Variants in CLDN14 observed in about 807,000 individuals in gnomAD.
CLDN14 encodes the protein claudin-14.
A neutral mutation model predicts 2.1 loss-of-function variants in CLDN14; 2 were observed. The observed-to-expected ratio is 0.96, with a 90% CI of 0.39 to 3.01. The LOEUF (loss-of-function observed/expected upper bound fraction) is 3.01, where lower values mean the gene tolerates loss of function less well. CLDN14 is among the 30% of genes most tolerant of loss of function. CLDN14 has a pLI of 0.09. For missense variants in CLDN14, 298 were observed against 328.0 expected (o/e 0.91, Z 0.71); for synonymous variants, 136 against 154.4 (o/e 0.88, Z 0.88).
rs555097341 is a variant in CLDN14, at chr21:36,507,319, T to G, written c.-82+3044A>C. Among the ~76,000 whole-genome samples, 6 of 152,156 alleles carry G rather than the reference T, an allele frequency of 3.9e-5. No homozygotes were observed. The East Asian group carries it at 1.2e-3, about 29-fold the overall frequency. ...TTAGTGATGAGCCTTGGGGACCCCATAAAACCCAGAGGAACATGTGGCAGA... is the reference window on the plus strand; with the variant it reads ...TTAGTGATGAGCCTTGGGGACCCCAGAAAACCCAGAGGAACATGTGGCAGA... On this transcript the variant is annotated intron_variant, in intron 2 of 2. Coordinates refer to the CLDN14 transcript ENST00000342108.
Position 36,460,900 on chromosome 21 carries a change from G to C in CLDN14, c.*76C>G. The C allele has an allele frequency of 6.5e-7, 1 of 1,536,538 alleles. No homozygotes were observed. Among genetic ancestry groups the C allele is most frequent in the Admixed American group, 1.9e-5 (1 of 51,706 alleles). ...TTGCCCAGAAGTAAACTTTGTGCTGGAACCCCTGCCTCCATTGACAGTCCC... is the reference window on the plus strand; with the variant it reads ...TTGCCCAGAAGTAAACTTTGTGCTGCAACCCCTGCCTCCATTGACAGTCCC... On this transcript the variant is annotated 3_prime_UTR_variant, in exon 2 of 2. Coordinates refer to ENST00000399135, the MANE Select transcript of CLDN14 (RefSeq NM_001146079.2). This position sits in a 1 kb window ranked among gnomAD's most constrained non-coding sequence, Gnocchi z 4.0.
At chr21:36,529,292 C>CT (rs1025359124) in intron 1 of CLDN14, among the ~76,000 whole-genome samples, 14 of 149,258 alleles carry the variant, frequency 9.4e-5, no homozygotes, top group South Asian at 2.1e-4. Flanking sequence ...AAAACCACAT[C>CT]TTTTTTTTTT....
chr21:36,497,319 G>A (rs1201872296), intron 2 of CLDN14, among the ~76,000 whole-genome samples: 8 of 13,316 alleles, frequency 6.0e-4, no homozygotes, highest in South Asian at 4.1e-3. Context: ...GGAAGGAAGG[G>A]AGGGAGGGAG....
At chr21:36,568,140 G>A (rs1399270720) in intron 1 of CLDN14, among the ~76,000 whole-genome samples, 3 of 152,196 alleles carry the variant, frequency 2.0e-5, no homozygotes, top group Non-Finnish European at 2.9e-5. Flanking sequence ...GGGTAAGCCA[G>A]CTTGACCAGG....
intron 2 of CLDN14, among the ~76,000 whole-genome samples, chr21:36,490,763 G>A (rs1381159971): frequency 1.3e-5 from 2 of 152,034 alleles, no homozygotes; most frequent in African/African-American, 4.8e-5. Context: ...TCGAACTCTT[G>A]GCCTTAAGAG....
In CLDN14 at chr21:36,499,312, T is replaced by A. The variant is rs1054058338; in HGVS notation, c.-82+11051A>T. Among the ~76,000 whole-genome samples the A allele has an allele frequency of 1.3e-5, 2 of 152,182 alleles. No homozygotes were observed. Among genetic ancestry groups the A allele is most frequent in the Non-Finnish European group, 2.9e-5 (2 of 68,028 alleles). ...TCGCCCAGGCTGGAGTGCAGTGGTGTGATCTCAGCTCGCTGCAACCTCTGC... is the reference window on the plus strand; with the variant it reads ...TCGCCCAGGCTGGAGTGCAGTGGTGAGATCTCAGCTCGCTGCAACCTCTGC... On this transcript the variant is annotated intron_variant, in intron 2 of 2. Coordinates refer to the CLDN14 transcript ENST00000342108. The surrounding 1 kb of genome is among the most constrained non-coding windows in gnomAD (Gnocchi z 4.7).
At chr21:36,534,546 C>G (rs553349643) in intron 1 of CLDN14, among the ~76,000 whole-genome samples, 2 of 152,304 alleles carry the variant, frequency 1.3e-5, no homozygotes, top group East Asian at 3.9e-4. Flanking sequence ...TATCAACATG[C>G]CTTGTGTGTG....
At chr21:36,473,135 G>A (rs1234377392) in intron 1 of CLDN14, among the ~76,000 whole-genome samples, 1 of 151,640 alleles carries the variant, frequency 6.6e-6, no homozygotes, top group Non-Finnish European at 1.5e-5. Flanking sequence ...TCATTTTATA[G>A]ATGGGCTCTT....
intron 1 of CLDN14, among the ~76,000 whole-genome samples, chr21:36,568,014 T>A (rs1446562764): frequency 6.6e-6 from 1 of 152,156 alleles, no homozygotes; most frequent in Non-Finnish European, 1.5e-5. Context: ...TCAATAATTA[T>A]GGAAGAGCAA....
chr21:36,487,404 A>C (rs2086909651), intron 2 of CLDN14: 2 of 168,354 alleles, frequency 1.2e-5, no homozygotes, highest in Admixed American at 6.3e-5. Context: ...AGCGCTTTCC[A>C]ACACCATCCT....
At chr21:36,473,899 C>T (rs752558554) in intron 1 of CLDN14, among the ~76,000 whole-genome samples, 10 of 152,208 alleles carry the variant, frequency 6.6e-5, no homozygotes, top group African/African-American at 9.7e-5. Flanking sequence ...GAGCAATCTA[C>T]TCTGTCAAGT....
At chr21:36,478,749 A>G (rs1239724916) in intron 1 of CLDN14, among the ~76,000 whole-genome samples, 3 of 152,188 alleles carry the variant, frequency 2.0e-5, no homozygotes, top group Admixed American at 1.3e-4. Context: ...ACCCAGTTAA[A>G]GCCAGTGAGG....
intron 1 of CLDN14, among the ~76,000 whole-genome samples, chr21:36,562,740 C>T (rs1246668176): frequency 2.0e-5 from 3 of 151,850 alleles, no homozygotes; most frequent in Non-Finnish European, 4.4e-5. Flanking sequence ...GGCCTCTTTC[C>T]CGCCTGGGGA....
chr21:36,572,002 C>A (rs999529145), intron 1 of CLDN14, among the ~76,000 whole-genome samples: 1 of 152,148 alleles, frequency 6.6e-6, no homozygotes, highest in East Asian at 1.9e-4. Flanking sequence ...ACTCCCTCCC[C>A]ACTCCGTGAA....
chr21:36,462,946 A>G (rs1021046767), intron 1 of CLDN14, among the ~76,000 whole-genome samples: 2 of 151,782 alleles, frequency 1.3e-5, no homozygotes, highest in African/African-American at 4.8e-5. Context: ...AACAAACAAA[A>G]AAAAACACTA....
chr21:36,498,363 A>G lies in CLDN14; in HGVS notation c.-82+12000T>C, dbSNP rs2087059159. On this transcript the variant is annotated intron_variant, in intron 2 of 2. Transcript: ENST00000342108. This position sits in a 1 kb window ranked among gnomAD's most constrained non-coding sequence, Gnocchi z 4.9. Reference sequence around the variant, plus strand: ...GAAAGAGAAGAAAAAAAGTAAAATAATAATACTAATAATGCCTTTTCTCTG... The same window carrying G: ...GAAAGAGAAGAAAAAAAGTAAAATAGTAATACTAATAATGCCTTTTCTCTG... Among the ~76,000 whole-genome samples the G allele has an allele frequency of 6.6e-6, 1 of 152,178 alleles. No homozygotes were observed. Among genetic ancestry groups the G allele is most frequent in the South Asian group, 2.1e-4 (1 of 4,828 alleles).
chr21:36,464,685 G>A (rs2086623918), intron 1 of CLDN14, among the ~76,000 whole-genome samples: 2 of 152,196 alleles, frequency 1.3e-5, no homozygotes, highest in African/African-American at 2.4e-5. Flanking sequence ...TGAGCACACC[G>A]ATGGCACCAG....
chr21:36,474,922 G>A (rs1451763914), intron 1 of CLDN14, among the ~76,000 whole-genome samples: 2 of 152,200 alleles, frequency 1.3e-5, no homozygotes, highest in African/African-American at 4.8e-5. Flanking sequence ...CATGTTCTGA[G>A]TTTGCTCCAA....
chr21:36,536,824 C>T (rs183102614), intron 1 of CLDN14, among the ~76,000 whole-genome samples: 3 of 152,328 alleles, frequency 2.0e-5, no homozygotes, highest in African/African-American at 7.2e-5. Context: ...TGCATGGCAA[C>T]ATATCTTGAG....
Sources: gnomAD v4.1 joint callset for allele counts (sites outside exome capture counted in the v4.1 genomes callset) on GRCh38, gnomAD v4.1.1 for gene constraint, Gnocchi (gnomAD v3.1) non-coding constraint, MANE v1.5 for transcripts, NCBI Gene and HGNC (gene_info 2026-07-23, HGNC 2026-07-21) for gene names.